MAP4K3: variants seen among roughly 807,000 people sequenced by gnomAD.
MAP4K3 encodes the protein mitogen-activated protein kinase kinase kinase kinase 3, also known as MAPK/ERK kinase kinase kinase 3.
A neutral mutation model predicts 143.5 loss-of-function variants in MAP4K3; 94 were observed. That is an observed-to-expected ratio of 0.65 (90% confidence interval 0.55 to 0.78). The LOEUF (loss-of-function observed/expected upper bound fraction) is 0.78. MAP4K3 is among the 30% of genes least tolerant of loss of function. The probability of loss-of-function intolerance (pLI) is 0.00; values close to 1 mark genes in which losing one functional copy is unlikely to be tolerated. For missense variants in MAP4K3, 1,077 were observed against 1,068.1 expected (o/e 1.01, Z -0.12); for synonymous variants, 416 against 347.2 (o/e 1.20, Z -2.20).
chr2:39,433,939 C>T (rs1167453287), intron 1 of MAP4K3, among the ~76,000 whole-genome samples: 2 of 152,128 alleles, frequency 1.3e-5, no homozygotes, highest in Non-Finnish European at 2.9e-5. Context: ...ATAATATCTC[C>T]ACAACAAAAC....
intron 16 of MAP4K3, among the ~76,000 whole-genome samples, chr2:39,295,026 T>C (rs1682210256): frequency 2.0e-5 from 3 of 151,426 alleles, no homozygotes; most frequent in Non-Finnish European, 2.9e-5. Flanking sequence ...AAGGCAATGT[T>C]AACAAGACTT....
chr2:39,354,240 G>A (rs1034472253), intron 3 of MAP4K3, among the ~76,000 whole-genome samples: 2 of 152,004 alleles, frequency 1.3e-5, no homozygotes, highest in African/African-American at 2.4e-5. Flanking sequence ...TCAGGAGATC[G>A]AGATCATCCT....
intron 19 of MAP4K3, among the ~76,000 whole-genome samples, chr2:39,290,019 G>A (rs1352363017): frequency 6.6e-6 from 1 of 150,560 alleles, no homozygotes; most frequent in South Asian, 2.1e-4. Flanking sequence ...CCCGAGAGGA[G>A]GAGGCTGCAG....
chr2:39,396,574 C>T (rs1455463223), intron 1 of MAP4K3, among the ~76,000 whole-genome samples: 8 of 150,906 alleles, frequency 5.3e-5, no homozygotes, highest in South Asian at 2.1e-4. Context: ...CCTGGGTTCA[C>T]GCCATTCTCC....
chr2:39,305,047 GC>G (rs1264458982), intron 15 of MAP4K3, among the ~76,000 whole-genome samples: 4 of 152,172 alleles, frequency 2.6e-5, no homozygotes, highest in African/African-American at 9.7e-5. Flanking sequence ...GCTGCCAGGG[GC>G]TGGAGGGAAA....
chr2:39,285,412 A>G (rs961738006), intron 21 of MAP4K3, among the ~76,000 whole-genome samples: 4 of 152,200 alleles, frequency 2.6e-5, no homozygotes, highest in African/African-American at 9.7e-5. Flanking sequence ...CTCAAAGGCT[A>G]TTTATTTTAT....
intron 1 of MAP4K3, among the ~76,000 whole-genome samples, chr2:39,401,200 C>G (rs1347261056): frequency 1.3e-5 from 2 of 152,002 alleles, no homozygotes; most frequent in Admixed American, 6.6e-5. Flanking sequence ...ACAGAGACAA[C>G]TATACAGACA....
intron 28 of MAP4K3, chr2:39,261,032 C>T (rs72923498): frequency 3.2e-6 from 1 of 314,998 alleles, no homozygotes; most frequent in African/African-American, 2.2e-5. Flanking sequence ...GTGTCCAACC[C>T]TCTCTTTTCA....
At chr2:39,372,492 G>GAAA (rs556275987) in intron 2 of MAP4K3, among the ~76,000 whole-genome samples, 1 of 123,210 alleles carries the variant, frequency 8.1e-6, no homozygotes. Flanking sequence ...CTATCCTAAG[G>GAAA]AAAAAAAAAA....
intron 4 of MAP4K3, among the ~76,000 whole-genome samples, chr2:39,339,862 T>C (rs1248087557): frequency 6.6e-6 from 1 of 152,042 alleles, no homozygotes; most frequent in Non-Finnish European, 1.5e-5. Flanking sequence ...CATCTTCAAA[T>C]GCCACATAGA....
intron 1 of MAP4K3, among the ~76,000 whole-genome samples, chr2:39,392,056 G>T (rs1359443973): frequency 6.6e-6 from 1 of 151,594 alleles, no homozygotes; most frequent in East Asian, 1.9e-4. Flanking sequence ...TAGGTAGCGC[G>T]CGCCTGTAGT....
chr2:39,316,927 G>A (rs1683130424), intron 12 of MAP4K3, among the ~76,000 whole-genome samples: 1 of 151,796 alleles, frequency 6.6e-6, no homozygotes, highest in African/African-American at 2.4e-5. Flanking sequence ...AAATTCACGT[G>A]GAATCAAAAA....
intron 2 of MAP4K3, among the ~76,000 whole-genome samples, chr2:39,368,510 A>G (rs1384797600): frequency 2.0e-5 from 3 of 152,032 alleles, no homozygotes; most frequent in African/African-American, 7.2e-5. Flanking sequence ...CTACAAAAAA[A>G]ACTAAAAAAT....
At chr2:39,316,793 T>C (rs1052916207) in intron 12 of MAP4K3, among the ~76,000 whole-genome samples, 56 of 152,146 alleles carry the variant, frequency 3.7e-4, no homozygotes, top group African/African-American at 1.3e-3. Context: ...GATTCTAAAA[T>C]AGCTCATCTG....
intron 12 of MAP4K3, chr2:39,323,558 TA>T (rs1683390196): frequency 6.6e-6 from 1 of 152,230 alleles, no homozygotes; most frequent in South Asian, 2.1e-4. Context: ...CACTGTATAT[TA>T]ATTGAAATTG....
intron 4 of MAP4K3, among the ~76,000 whole-genome samples, chr2:39,339,817 A>C (rs151120713): frequency 1.7e-4 from 26 of 152,222 alleles, no homozygotes; most frequent in African/African-American, 4.3e-4. Context: ...AAACAACAAC[A>C]ACCCAAAAAA....
intron 1 of MAP4K3, among the ~76,000 whole-genome samples, chr2:39,382,648 T>C (rs1233561256): frequency 6.6e-6 from 1 of 152,200 alleles, no homozygotes; most frequent in African/African-American, 2.4e-5. Context: ...AAAAATCATA[T>C]AAAGAGTTTA....
At chr2:39,400,346 G>A (rs1666920181) in intron 1 of MAP4K3, among the ~76,000 whole-genome samples, 1 of 152,188 alleles carries the variant, frequency 6.6e-6, no homozygotes, top group Non-Finnish European at 1.5e-5. Flanking sequence ...ATTAGCATAA[G>A]TTGCTCATAA....
At chr2:39,316,812 A>T (rs1169029441) in intron 12 of MAP4K3, among the ~76,000 whole-genome samples, 1 of 152,206 alleles carries the variant, frequency 6.6e-6, no homozygotes, top group Non-Finnish European at 1.5e-5. Context: ...TGAACTTAAA[A>T]AGTTGCCCTT....
Sources: gnomAD v4.1 joint callset for allele counts (sites outside exome capture counted in the v4.1 genomes callset) on GRCh38, gnomAD v4.1.1 for gene constraint, MANE v1.5 for transcripts, NCBI Gene and HGNC (gene_info 2026-07-23, HGNC 2026-07-21) for gene names.